C8orf34: variants seen among roughly 807,000 people sequenced by gnomAD.
C8orf34 encodes the protein uncharacterized protein C8orf34.
C8orf34 carries 65 observed loss-of-function variants against 68.3 expected under a neutral mutation model. The ratio of observed to expected loss-of-function variants is 0.95; its 90% CI spans 0.78 to 1.17. The LOEUF is 1.17. Ranked by LOEUF, C8orf34 falls within the 50% of genes most tolerant of loss-of-function variation. C8orf34 has a pLI of 0.00. For synonymous variants in C8orf34, 244 were observed against 241.2 expected (o/e 1.01, Z -0.11); for missense variants, 664 against 655.4 (o/e 1.01, Z -0.14).
chr8:68,723,107 T>G (rs1821722045), intron 10 of C8orf34, among the ~76,000 whole-genome samples: 2 of 152,106 alleles, frequency 1.3e-5, no homozygotes, highest in Admixed American at 1.3e-4. Context: ...TTCCTTCTAC[T>G]GTACATCCTT....
intron 12 of C8orf34, among the ~76,000 whole-genome samples, chr8:68,803,739 T>G (rs2129529669): frequency 6.6e-6 from 1 of 152,252 alleles, no homozygotes; most frequent in East Asian, 1.9e-4. Context: ...AATAGATAGT[T>G]TTGTGCAGGT....
At position 68,467,524 on chromosome 8, in the gene C8orf34, T is replaced by C. The variant is rs115712656; in HGVS notation, c.608-1168T>C. 3.7e-3 allele frequency among the ~76,000 whole-genome samples: 562 copies of C among 152,108 alleles called. 3 individuals carry two copies. The highest frequency in any genetic ancestry group is 0.013 in the African/African-American group (524 of 41,544). On this transcript the variant is annotated intron_variant, in intron 3 of 13. Transcript: ENST00000518698. ...CTGCTTGACTCATTGGTTTCTAGACTTTTTCTCAACTGCCTTTTGAGACTG... is the reference window on the plus strand; with the variant it reads ...CTGCTTGACTCATTGGTTTCTAGACCTTTTCTCAACTGCCTTTTGAGACTG...
chr8:68,385,123 C>T (rs1346475872), intron 1 of C8orf34, among the ~76,000 whole-genome samples: 1 of 152,218 alleles, frequency 6.6e-6, no homozygotes, highest in Admixed American at 6.5e-5. Context: ...ATTAATAAGC[C>T]AATACCTCAC....
At chr8:68,486,435 G>A (rs1304724397) in intron 4 of C8orf34, among the ~76,000 whole-genome samples, 2 of 152,126 alleles carry the variant, frequency 1.3e-5, no homozygotes, top group African/African-American at 4.8e-5. Context: ...ATGGTAGTTA[G>A]ACTCTCTTTT....
intron 1 of C8orf34, among the ~76,000 whole-genome samples, chr8:68,418,673 A>G (rs1487048972): frequency 6.6e-6 from 1 of 152,300 alleles, no homozygotes; most frequent in Non-Finnish European, 1.5e-5. Context: ...CAGGAATAAC[A>G]CCGCATATCT....
chr8:68,614,557 A>T (rs1486009220), intron 7 of C8orf34, among the ~76,000 whole-genome samples: 1 of 152,104 alleles, frequency 6.6e-6, no homozygotes, highest in Non-Finnish European at 1.5e-5. Flanking sequence ...TCCTTTCCCC[A>T]TTGCTTGTTT....
At chr8:68,471,887 T>A (rs1310174943) in intron 4 of C8orf34, among the ~76,000 whole-genome samples, 1 of 151,296 alleles carries the variant, frequency 6.6e-6, no homozygotes, top group Non-Finnish European at 1.5e-5. Flanking sequence ...TGATAGTTAT[T>A]TCAGCTTATC....
intron 5 of C8orf34, among the ~76,000 whole-genome samples, chr8:68,498,556 G>A (rs1027279031): frequency 2.6e-5 from 4 of 152,106 alleles, no homozygotes; most frequent in African/African-American, 7.2e-5. Flanking sequence ...TAGTAATCGT[G>A]TTGTTAATGA....
intron 7 of C8orf34, among the ~76,000 whole-genome samples, chr8:68,566,208 A>G (rs972745684): frequency 1.3e-5 from 2 of 152,134 alleles, no homozygotes; most frequent in Admixed American, 6.6e-5. Flanking sequence ...GGTTTGTTAC[A>G]TAGGTTAAGT....
intron 3 of C8orf34, among the ~76,000 whole-genome samples, chr8:68,457,648 A>T (rs1400553): frequency 0.066 from 10,065 of 152,186 alleles, 415 homozygotes; most frequent in East Asian, 0.11. Context: ...AGCACTCCTT[A>T]ATATACAATA....
chr8:68,614,586 A>G (rs1818135117), intron 7 of C8orf34, among the ~76,000 whole-genome samples: 1 of 152,164 alleles, frequency 6.6e-6, no homozygotes, highest in South Asian at 2.1e-4. Context: ...TTTGTCAAAG[A>G]TCAGATAGTT....
Position 68,766,687 on chromosome 8 carries a change from T to C in C8orf34, c.1405-9712T>C, listed in dbSNP as rs546255866. Among the ~76,000 whole-genome samples the C allele has an allele frequency of 1.0e-3, 153 of 152,338 alleles. 1 individual carries two copies. The highest frequency in any genetic ancestry group is 3.0e-3 in the African/African-American group (126 of 41,576). ...ATATAGCCAACAACAAATGGAGATT[T>C]GTAAAATTTCACTCTAATTTTTTAA... On this transcript the variant is annotated intron_variant, in intron 10 of 13. Transcript: ENST00000518698.
chr8:68,646,860 G>C (rs1233680788), intron 8 of C8orf34, among the ~76,000 whole-genome samples: 3 of 152,010 alleles, frequency 2.0e-5, no homozygotes, highest in Non-Finnish European at 4.4e-5. Flanking sequence ...TTTATGCATT[G>C]ATCCAATGAT....
intron 1 of C8orf34, among the ~76,000 whole-genome samples, chr8:68,360,014 A>C (rs1459624631): frequency 6.6e-6 from 1 of 152,198 alleles, no homozygotes; most frequent in African/African-American, 2.4e-5. Context: ...ATAGGTACCC[A>C]AAACTCAAAA....
At chr8:68,780,755 C>G (rs930983291) in intron 11 of C8orf34, among the ~76,000 whole-genome samples, 1 of 152,116 alleles carries the variant, frequency 6.6e-6, no homozygotes, top group Non-Finnish European at 1.5e-5. Flanking sequence ...CATCGCTAAA[C>G]ACACACACAT....
At chr8:68,380,010 A>G (rs1054989926) in intron 1 of C8orf34, among the ~76,000 whole-genome samples, 39 of 151,910 alleles carry the variant, frequency 2.6e-4, no homozygotes, top group African/African-American at 9.2e-4. Flanking sequence ...GCATCACTAC[A>G]CCCCCCTTCT....
intron 7 of C8orf34, among the ~76,000 whole-genome samples, chr8:68,613,329 C>T (rs1187440270): frequency 6.6e-6 from 1 of 151,088 alleles, no homozygotes; most frequent in Non-Finnish European, 1.5e-5. Context: ...TTTTAGGGTA[C>T]ATGTGCACAA....
intron 11 of C8orf34, among the ~76,000 whole-genome samples, chr8:68,780,734 T>C (rs1823650801): frequency 6.6e-6 from 1 of 152,102 alleles, no homozygotes; most frequent in South Asian, 2.1e-4. Flanking sequence ...CTGGGCAACA[T>C]GGTGAAACCC....
intron 8 of C8orf34, among the ~76,000 whole-genome samples, chr8:68,689,091 C>T (rs1319797188): frequency 6.6e-6 from 1 of 152,040 alleles, no homozygotes; most frequent in Non-Finnish European, 1.5e-5. Flanking sequence ...ACGTCTTTTG[C>T]AGCCACTCAG....
Sources: allele counts gnomAD v4.1 joint callset (sites outside exome capture counted in the v4.1 genomes callset), GRCh38; gene constraint gnomAD v4.1.1; transcripts MANE v1.5; gene names NCBI Gene and HGNC (gene_info 2026-07-23, HGNC 2026-07-21).